MGAT4C: variants seen among roughly 807,000 people sequenced by gnomAD.
MGAT4C encodes MGAT4 family member C.
A neutral mutation model predicts 40.1 loss-of-function variants in MGAT4C; 19 were observed. The observed-to-expected ratio is 0.47, with a 90% CI of 0.33 to 0.70. The LOEUF (loss-of-function observed/expected upper bound fraction) is 0.70, where lower values mean the gene tolerates loss of function less well. Among genes scored for constraint, MGAT4C ranks in the 30% least tolerant of loss-of-function variants. The probability of loss-of-function intolerance (pLI) is 0.02; values close to 1 mark genes in which losing one functional copy is unlikely to be tolerated. For synonymous variants in MGAT4C, 181 were observed against 187.1 expected, an observed-to-expected ratio of 0.97 and a Z score of 0.27; for missense variants, 491 against 563.2, an observed-to-expected ratio of 0.87 and a Z score of 1.30.
intron 1 of MGAT4C, among the ~76,000 whole-genome samples, chr12:86,768,044 GA>G (rs1951549028): frequency 1.3e-5 from 2 of 152,162 alleles, no homozygotes; most frequent in East Asian, 3.9e-4. Flanking sequence ...AGGAAATAAA[GA>G]GTATTCAATT....
At chr12:86,525,658 T>C (rs1402866900) in intron 2 of MGAT4C, among the ~76,000 whole-genome samples, 1 of 152,178 alleles carries the variant, frequency 6.6e-6, no homozygotes, top group East Asian at 1.9e-4. Context: ...TTGATTGTGG[T>C]ATAAGGTGGA....
At chr12:86,427,079 G>C (rs112102980) in intron 3 of MGAT4C, among the ~76,000 whole-genome samples, 1 of 152,130 alleles carries the variant, frequency 6.6e-6, no homozygotes, top group Non-Finnish European at 1.5e-5. Flanking sequence ...AGGAGGTATT[G>C]GGGAAAGAAA....
At chr12:86,064,647 A>G (rs1894351351) in intron 1 of MGAT4C, among the ~76,000 whole-genome samples, 1 of 152,058 alleles carries the variant, frequency 6.6e-6, no homozygotes, top group African/African-American at 2.4e-5. Flanking sequence ...CATCAAAATT[A>G]AAAAGAACTA....
At chr12:86,497,893 A>AAGAT (rs1958267358) in intron 2 of MGAT4C, among the ~76,000 whole-genome samples, 1 of 133,894 alleles carries the variant, frequency 7.5e-6, no homozygotes, top group African/African-American at 2.7e-5. Context: ...GAAATTCCTA[A>AAGAT]ATATATATAT....
intron 2 of MGAT4C, among the ~76,000 whole-genome samples, chr12:86,546,409 T>C (rs1256388956): frequency 2.0e-5 from 3 of 151,850 alleles, no homozygotes; most frequent in South Asian, 2.1e-4. Context: ...AGTTTTTCTA[T>C]TGCATCTCTG....
At chr12:86,796,056 C>A (rs1952111127) in intron 1 of MGAT4C, among the ~76,000 whole-genome samples, 1 of 151,848 alleles carries the variant, frequency 6.6e-6, no homozygotes, top group Non-Finnish European at 1.5e-5. Context: ...TGAGCTGAAC[C>A]TAAGCATAAA....
chr12:86,658,530 G>A (rs536595367), intron 2 of MGAT4C, among the ~76,000 whole-genome samples: 1 of 152,122 alleles, frequency 6.6e-6, no homozygotes, highest in South Asian at 2.1e-4. Flanking sequence ...TTACTGTCAA[G>A]AGGATTACTA....
intron 1 of MGAT4C, among the ~76,000 whole-genome samples, chr12:86,157,826 C>T (rs1885144376): frequency 6.6e-6 from 1 of 152,040 alleles, no homozygotes; most frequent in Admixed American, 6.6e-5. Flanking sequence ...GGAAACGGCC[C>T]CCATAATCCT....
At chr12:86,214,515 T>A (rs572612815) in intron 1 of MGAT4C, among the ~76,000 whole-genome samples, 1 of 152,312 alleles carries the variant, frequency 6.6e-6, no homozygotes, top group East Asian at 1.9e-4. Context: ...AATGTTAATT[T>A]CTCACAGTTC....
chr12:86,171,637 T>A (rs1293197707), intron 1 of MGAT4C, among the ~76,000 whole-genome samples: 1 of 152,190 alleles, frequency 6.6e-6, no homozygotes, highest in East Asian at 1.9e-4. Context: ...GGGTTTAAAA[T>A]CCAGACATTT....
chr12:85,999,775 A>G (rs980159587), intron 2 of MGAT4C, among the ~76,000 whole-genome samples: 1 of 152,148 alleles, frequency 6.6e-6, no homozygotes, highest in African/African-American at 2.4e-5. Flanking sequence ...CAGGCACAGG[A>G]AAACAAAGAC....
chr12:86,309,681 G>T (rs1277272445), intron 4 of MGAT4C, among the ~76,000 whole-genome samples: 1 of 152,168 alleles, frequency 6.6e-6, no homozygotes, highest in Non-Finnish European at 1.5e-5. Context: ...ATTGCAACAG[G>T]TTAGTAAAAG....
At chr12:86,552,893 T>C (rs1592979438) in intron 2 of MGAT4C, among the ~76,000 whole-genome samples, 1 of 152,134 alleles carries the variant, frequency 6.6e-6, no homozygotes, top group East Asian at 1.9e-4. Context: ...TTACTTTTAA[T>C]GCCATTATTT....
At chr12:86,665,762 T>C (rs543217636) in intron 2 of MGAT4C, among the ~76,000 whole-genome samples, 38 of 152,276 alleles carry the variant, frequency 2.5e-4, no homozygotes, top group African/African-American at 8.4e-4. Flanking sequence ...GGAATCATAA[T>C]GAGGAGAGGA....
At chr12:86,214,668 A>C (rs1950600993) in intron 1 of MGAT4C, among the ~76,000 whole-genome samples, 1 of 152,130 alleles carries the variant, frequency 6.6e-6, no homozygotes, top group African/African-American at 2.4e-5. Flanking sequence ...TGAGCACACT[A>C]ATTTCATTCT....
chr12:86,675,752 C>A (rs1361387994), intron 2 of MGAT4C, among the ~76,000 whole-genome samples: 3 of 151,978 alleles, frequency 2.0e-5, no homozygotes, highest in African/African-American at 7.2e-5. Flanking sequence ...TTTATACATT[C>A]ATATAATATG....
chr12:86,366,080 C>A (rs1389674550), intron 3 of MGAT4C, among the ~76,000 whole-genome samples: 2 of 151,940 alleles, frequency 1.3e-5, no homozygotes, highest in Non-Finnish European at 2.9e-5. Flanking sequence ...GTGTTTTGTA[C>A]TTGTCCTTGT....
At chr12:86,538,084 C>T (rs1959104890) in intron 2 of MGAT4C, among the ~76,000 whole-genome samples, 1 of 151,684 alleles carries the variant, frequency 6.6e-6, no homozygotes. Flanking sequence ...AAGACTCCAT[C>T]TCAATAAATA....
At chr12:86,231,519 G>T (rs115418257) in intron 1 of MGAT4C, among the ~76,000 whole-genome samples, 6,909 of 152,158 alleles carry the variant, frequency 0.045, 192 homozygotes, top group African/African-American at 0.072. Context: ...AATCAAGTAT[G>T]TACAACAATC....
Sources: allele counts gnomAD v4.1 joint callset (sites outside exome capture counted in the v4.1 genomes callset), GRCh38; gene constraint gnomAD v4.1.1; transcripts MANE v1.5; gene names NCBI Gene and HGNC (gene_info 2026-07-23, HGNC 2026-07-21).